RPS6KA2: variants seen among roughly 807,000 people sequenced by gnomAD.
RPS6KA2 encodes the protein ribosomal protein S6 kinase A2.
A neutral mutation model predicts 91.8 loss-of-function variants in RPS6KA2; 42 were observed. The observed-to-expected ratio is 0.46, with a 90% confidence interval of 0.36 to 0.59. RPS6KA2 has a LOEUF of 0.59. Ranked by LOEUF, RPS6KA2 falls within the 20% of genes least tolerant of loss-of-function variation. RPS6KA2 has a pLI of 0.00. For missense variants in RPS6KA2, 798 were observed against 978.5 expected (o/e 0.82, Z 2.46); for synonymous variants, 414 against 393.6 (o/e 1.05, Z -0.61).
At chr6:166,424,573 A>G (rs1195460364) in intron 16 of RPS6KA2, among the ~76,000 whole-genome samples, 2 of 152,228 alleles carry the variant, frequency 1.3e-5, no homozygotes, top group South Asian at 2.1e-4. Context: ...GCCTGGAACC[A>G]GAGAGTGGGA....
chr6:166,682,738 C>A lies in RPS6KA2; in HGVS notation c.124-143954G>T, dbSNP rs75408660. 6.0e-3 allele frequency among the ~76,000 whole-genome samples: 911 copies of A among 152,272 alleles called. 22 individuals carry two copies. The South Asian group carries it at 0.079, about 13-fold the overall frequency. ...ATTCATCGGAAACCATGAAATGGAA[C>A]CTGTCTCCCCACACCCAGCAAAATA... On this transcript the variant is annotated intron_variant, in intron 2 of 21. Coordinates refer to the RPS6KA2 transcript ENST00000503859.
At chr6:166,497,345 C>T (rs544507830) in intron 8 of RPS6KA2, among the ~76,000 whole-genome samples, 2 of 152,366 alleles carry the variant, frequency 1.3e-5, no homozygotes, top group African/African-American at 2.4e-5. Flanking sequence ...TGTGTTGTGA[C>T]TCACTTTACA....
chr6:166,828,645 GACAT>G (rs1780105980), intron 2 of RPS6KA2, among the ~76,000 whole-genome samples: 1 of 152,152 alleles, frequency 6.6e-6, no homozygotes, highest in Non-Finnish European at 1.5e-5. Flanking sequence ...AATACAGTTG[GACAT>G]ACTCTATATC....
chr6:166,444,629 G>A (rs779016832), intron 14 of RPS6KA2, among the ~76,000 whole-genome samples: 3 of 152,218 alleles, frequency 2.0e-5, no homozygotes, highest in Non-Finnish European at 2.9e-5. Context: ...ACAGTGCCGT[G>A]CGCGTGAGAA....
chr6:166,417,609 C>T (rs1184993390), intron 19 of RPS6KA2, among the ~76,000 whole-genome samples: 2 of 122,050 alleles, frequency 1.6e-5, no homozygotes, highest in African/African-American at 3.4e-5. Flanking sequence ...ACAAATAAAT[C>T]TCTCTCTCTA....
rs562443978 is a variant in RPS6KA2, at chr6:166,821,979, C to G, written c.123+36221G>C. 3.9e-4 allele frequency among the ~76,000 whole-genome samples: 59 copies of G among 152,272 alleles called. No individual in the cohort carries two copies. The highest frequency in any genetic ancestry group is 1.3e-3 in the African/African-American group (52 of 41,552). ...CTCAGCCTCCCATCAAATGCGTTGG[C>G]AAGTCTGACAGCCCCAAGCCCAGCA... On this transcript the variant is annotated intron_variant, in intron 2 of 21. Transcript: ENST00000503859. The surrounding 1 kb of genome is among the most constrained non-coding windows in gnomAD (Gnocchi z 4.1).
At chr6:166,685,214 A>C (rs1473775021) in intron 2 of RPS6KA2, among the ~76,000 whole-genome samples, 2 of 146,966 alleles carry the variant, frequency 1.4e-5, no homozygotes, top group Non-Finnish European at 3.0e-5. Context: ...ACCCTGATGG[A>C]GTGTGGAGTG....
intron 2 of RPS6KA2, among the ~76,000 whole-genome samples, chr6:166,818,744 A>G (rs956916997): frequency 3.3e-5 from 5 of 152,166 alleles, no homozygotes; most frequent in Non-Finnish European, 7.3e-5. Flanking sequence ...TTATAATCCA[A>G]TGCCATCATT....
chr6:166,600,940 T>A (rs1346027762), intron 1 of RPS6KA2, among the ~76,000 whole-genome samples: 1 of 152,230 alleles, frequency 6.6e-6, no homozygotes, highest in Non-Finnish European at 1.5e-5. Flanking sequence ...CAGGGAGCAA[T>A]TTATTAAAAT....
At position 166,506,518 on chromosome 6, in the gene RPS6KA2, A is replaced by T. The variant is rs2235271; in HGVS notation, c.459+1685T>A. On this transcript the variant is annotated intron_variant, in intron 5 of 20. Coordinates refer to ENST00000265678, the MANE Select transcript of RPS6KA2 (RefSeq NM_021135.6). The stretch of plus-strand genomic sequence containing the variant: ...TCTTTGGAAATGGCCACACAGCAGG[A>T]GGCAAAGGAAGGGGCCAGACGCCAG... 2.2e-4 allele frequency among the ~76,000 whole-genome samples: 33 copies of T among 151,964 alleles called. 1 individual carries two copies. The highest frequency in any genetic ancestry group is 1.2e-3 in the Admixed American group (18 of 15,272).
At chr6:166,707,301 G>A (rs1280495659) in intron 2 of RPS6KA2, among the ~76,000 whole-genome samples, 1 of 152,250 alleles carries the variant, frequency 6.6e-6, no homozygotes, top group Admixed American at 6.5e-5. Context: ...GCACAGTTCC[G>A]TCTCACCCAC....
intron 2 of RPS6KA2, among the ~76,000 whole-genome samples, chr6:166,780,413 C>T (rs547241356): frequency 1.2e-3 from 182 of 152,290 alleles, no homozygotes; most frequent in African/African-American, 4.1e-3. Flanking sequence ...GAGAGAGGCC[C>T]GAGCACAGCC....
chr6:166,708,066 T>C (rs970999023), intron 2 of RPS6KA2, among the ~76,000 whole-genome samples: 1 of 152,208 alleles, frequency 6.6e-6, no homozygotes, highest in Non-Finnish European at 1.5e-5. Flanking sequence ...CTTTTGCTAA[T>C]ATTGTACAAC....
intron 2 of RPS6KA2, among the ~76,000 whole-genome samples, chr6:166,708,104 T>C (rs1789733301): frequency 6.6e-6 from 1 of 152,218 alleles, no homozygotes; most frequent in East Asian, 1.9e-4. Context: ...TATTCTCCGG[T>C]AGAATTAAAT....
At chr6:166,454,452 C>A (rs1053965835) in intron 12 of RPS6KA2, among the ~76,000 whole-genome samples, 1 of 152,008 alleles carries the variant, frequency 6.6e-6, no homozygotes, top group Non-Finnish European at 1.5e-5. Context: ...GAGCCAAGAT[C>A]GCACCACTGC....
At chr6:166,716,499 A>G (rs948261062) in intron 2 of RPS6KA2, among the ~76,000 whole-genome samples, 1 of 152,170 alleles carries the variant, frequency 6.6e-6, no homozygotes, top group African/African-American at 2.4e-5. Context: ...AAACGACGTC[A>G]TTTGAGGACC....
At chr6:166,730,377 A>AAATAT (rs59446623) in intron 2 of RPS6KA2, among the ~76,000 whole-genome samples, 40,555 of 152,012 alleles carry the variant, frequency 0.27, 5,560 homozygotes, top group African/African-American at 0.35. Flanking sequence ...AAATTCATAA[A>AAATAT]AATATGTCAT....
At chr6:166,688,802 C>T (rs1789103056) in intron 2 of RPS6KA2, among the ~76,000 whole-genome samples, 1 of 152,246 alleles carries the variant, frequency 6.6e-6, no homozygotes, top group Non-Finnish European at 1.5e-5. Flanking sequence ...TTCATGTCCA[C>T]ATGAACCCAT....
At chr6:166,525,418 G>A (rs1017607313) in intron 3 of RPS6KA2, among the ~76,000 whole-genome samples, 4 of 152,038 alleles carry the variant, frequency 2.6e-5, no homozygotes, top group African/African-American at 9.7e-5. Flanking sequence ...CACCCCAGCA[G>A]TGTGGCCCCC....
Sources: gnomAD v4.1 joint callset for allele counts (sites outside exome capture counted in the v4.1 genomes callset) on GRCh38, gnomAD v4.1.1 for gene constraint, Gnocchi (gnomAD v3.1) non-coding constraint, MANE v1.5 for transcripts, NCBI Gene and HGNC (gene_info 2026-07-23, HGNC 2026-07-21) for gene names.